CLEC16A: variants seen among roughly 807,000 people sequenced by gnomAD.
CLEC16A encodes C-type lectin domain containing 16A, also known as protein CLEC16A.
CLEC16A carries 51 observed loss-of-function variants against 109.5 expected under a neutral mutation model. The observed-to-expected ratio is 0.47, with a 90% CI of 0.37 to 0.59. The LOEUF is 0.59. Among genes scored for constraint, CLEC16A ranks in the 20% least tolerant of loss-of-function variants. The pLI is 0.00. For missense variants in CLEC16A, 1,339 were observed against 1,394.0 expected (o/e 0.96, Z 0.63); for synonymous variants, 673 against 564.2 (o/e 1.19, Z -2.73).
At chr16:10,966,963 C>T (rs763149460) in intron 3 of CLEC16A, among the ~76,000 whole-genome samples, 1 of 152,152 alleles carries the variant, frequency 6.6e-6, no homozygotes, top group Non-Finnish European at 1.5e-5. Context: ...ATATACATAA[C>T]CCCATCTTTA....
chr16:10,994,064 G>C (rs991723257), intron 10 of CLEC16A, among the ~76,000 whole-genome samples: 2 of 152,218 alleles, frequency 1.3e-5, no homozygotes, highest in African/African-American at 4.8e-5. Context: ...AGGCCTGTGA[G>C]TGCTGTGAGT....
intron 19 of CLEC16A, among the ~76,000 whole-genome samples, chr16:11,114,959 C>T (rs1440813988): frequency 6.6e-6 from 1 of 152,242 alleles, no homozygotes; most frequent in African/African-American, 2.4e-5. Flanking sequence ...TGAAATCTCT[C>T]ACTGTGTTCT....
At chr16:11,129,922 C>T (rs983688715) in intron 22 of CLEC16A, among the ~76,000 whole-genome samples, 3 of 152,110 alleles carry the variant, frequency 2.0e-5, no homozygotes, top group African/African-American at 7.2e-5. Flanking sequence ...ACCACCACGC[C>T]CGGTTAATTT....
At position 11,003,849 on chromosome 16, in the gene CLEC16A, T is replaced by C. The variant is rs563855480; in HGVS notation, c.1303+544T>C. Among the ~76,000 whole-genome samples, 171 of 152,000 alleles carry C rather than the reference T, an allele frequency of 1.1e-3. 1 individual carries two copies. Among genetic ancestry groups the C allele is most frequent in the Non-Finnish European group, 1.9e-3 (131 of 67,960 alleles). ...TTTGTGTTTAATGAAATGATATGCT[T>C]GTAGGCCGAGTGCAGTGGCTCACAC... On this transcript the variant is annotated intron_variant, in intron 11 of 23. Transcript: ENST00000409790.
At chr16:10,994,118 T>G (rs538372052) in intron 10 of CLEC16A, among the ~76,000 whole-genome samples, 2 of 152,354 alleles carry the variant, frequency 1.3e-5, no homozygotes, top group East Asian at 3.9e-4. Context: ...GCTTTACGCC[T>G]CTGCAGCTGC....
At chr16:11,053,634 G>T (rs1382374555) in intron 18 of CLEC16A, among the ~76,000 whole-genome samples, 1 of 152,202 alleles carries the variant, frequency 6.6e-6, no homozygotes, top group Non-Finnish European at 1.5e-5. Flanking sequence ...GCCTCTCAAA[G>T]TGCTAGGATT....
chr16:11,069,518 T>G (rs1023844041), intron 19 of CLEC16A, among the ~76,000 whole-genome samples: 1 of 152,034 alleles, frequency 6.6e-6, no homozygotes, highest in Non-Finnish European at 1.5e-5. Flanking sequence ...CATTGCCGCC[T>G]CCAACTCCCA....
intron 1 of CLEC16A, among the ~76,000 whole-genome samples, chr16:10,951,961 T>A (rs1436205321): frequency 6.6e-6 from 1 of 152,198 alleles, no homozygotes; most frequent in Non-Finnish European, 1.5e-5. Flanking sequence ...CAAACAGTTG[T>A]CAATAACCAA....
Position 11,181,820 on chromosome 16 carries a change from A to G in CLEC16A, c.*3130A>G, listed in dbSNP as rs1340534916. ...GAAGCGCAGCCCTGCCAGACGCGCT[A>G]GATTCCTCTAAGGTCTCTGAGATGC... On this transcript the variant is annotated 3_prime_UTR_variant, in exon 24 of 24. Transcript: ENST00000409790. 6.6e-6 allele frequency: 1 copy of G among 152,648 alleles called. No homozygotes were observed. The highest frequency in any genetic ancestry group is 1.5e-5 in the Non-Finnish European group (1 of 68,052). 9.5% of individuals were successfully genotyped at this position (152,648 alleles called of 1,614,324 possible).
intron 1 of CLEC16A, among the ~76,000 whole-genome samples, chr16:10,950,307 G>A (rs1373175890): frequency 6.6e-6 from 1 of 152,208 alleles, no homozygotes; most frequent in Non-Finnish European, 1.5e-5. Flanking sequence ...AGCACAGGAC[G>A]TGGCAGATAG....
At chr16:10,971,251 G>A in intron 5 of CLEC16A, 21 bp downstream of exon 5, 2 of 1,548,288 alleles carry the variant, frequency 1.3e-6, no homozygotes, top group African/African-American at 1.4e-5. Context: ...TCATGGGCTT[G>A]TGTCTCGGCT....
chr16:11,118,919 T>G (rs1597446320), intron 19 of CLEC16A, among the ~76,000 whole-genome samples: 1 of 152,230 alleles, frequency 6.6e-6, no homozygotes, highest in Non-Finnish European at 1.5e-5. Context: ...TATGTTCTTA[T>G]CAGTTTCATT....
At position 11,042,672 on chromosome 16, in the gene CLEC16A, C is replaced by T. The variant is rs545510677; in HGVS notation, c.1770+309C>T. Among the ~76,000 whole-genome samples the T allele has an allele frequency of 6.6e-5, 10 of 152,256 alleles. No individual in the cohort carries two copies. In the South Asian group the frequency reaches 1.7e-3, roughly 25 times the overall value. On this transcript the variant is annotated intron_variant, in intron 15 of 23. Coordinates refer to ENST00000409790, the MANE Select transcript of CLEC16A (RefSeq NM_015226.3). ...TTGGTATTACAAAAGTTTTTTTGCA[C>T]ATACAAACACATCAACACACATACA... is the stretch of plus-strand genomic sequence containing the variant.
At chr16:11,041,147 C>G (rs1388796649) in intron 14 of CLEC16A, 4 of 152,262 alleles carry the variant, frequency 2.6e-5, no homozygotes, top group Non-Finnish European at 1.5e-5. Flanking sequence ...CTGCAGTCTA[C>G]CACTACCCAG....
At chr16:11,049,836 GTGAA>G (rs2047841637) in intron 17 of CLEC16A, among the ~76,000 whole-genome samples, 1 of 152,252 alleles carries the variant, frequency 6.6e-6, no homozygotes, top group Non-Finnish European at 1.5e-5. Flanking sequence ...GGAGCTGCAA[GTGAA>G]TGAGTGAGGC....
intron 1 of CLEC16A, among the ~76,000 whole-genome samples, chr16:10,948,140 T>TG (rs1567485691): frequency 6.6e-6 from 1 of 152,034 alleles, no homozygotes; most frequent in African/African-American, 2.4e-5. Flanking sequence ...TGATCTGCCC[T>TG]CCTTGACCTC....
At chr16:10,999,060 C>A (rs1596975356) in intron 10 of CLEC16A, among the ~76,000 whole-genome samples, 1 of 152,176 alleles carries the variant, frequency 6.6e-6, no homozygotes, top group Non-Finnish European at 1.5e-5. Context: ...GTCCTTAGTC[C>A]CAATGTCCAA....
At chr16:11,130,074 G>A (rs185766873) in intron 22 of CLEC16A, among the ~76,000 whole-genome samples, 7 of 152,194 alleles carry the variant, frequency 4.6e-5, no homozygotes, top group African/African-American at 1.4e-4. Context: ...GCCTGGTTCC[G>A]TTTATCCACA....
In CLEC16A at chr16:10,962,526, G is replaced by A; in HGVS notation, c.281G>A (p.Cys94Tyr). ...CGGCAAAAGTCGGGCCGTTACGTGT[G>A]CGTTCAGCTGCTGCAGACCTTGAAC... ...ILRQKSGRYV[C>Y]VQLLQTLNIL... is the part of the protein sequence containing the mutation. The change falls in exon 3 of 24, where the codon TGC (cysteine) becomes TAC (tyrosine). Residue 94 changes from cysteine to tyrosine, a missense_variant. By Grantham distance (194) the Cys-to-Tyr change is radical. Coordinates refer to ENST00000409790, the MANE Select transcript of CLEC16A (RefSeq NM_015226.3). The A allele has an allele frequency of 6.2e-7, 1 of 1,613,892 alleles. No homozygotes were observed. The highest frequency in any genetic ancestry group is 8.5e-7 in the Non-Finnish European group (1 of 1,179,866).
Sources: allele counts gnomAD v4.1 joint callset (sites outside exome capture counted in the v4.1 genomes callset), GRCh38; gene constraint gnomAD v4.1.1; transcripts MANE v1.5; gene names NCBI Gene and HGNC (gene_info 2026-07-23, HGNC 2026-07-21).